Variants in ANK2 observed in about 807,000 individuals in gnomAD.
The protein encoded by ANK2 is ankyrin 2.
ANK2 carries 83 observed loss-of-function variants against 360.5 expected under a neutral mutation model. The observed-to-expected ratio is 0.23, with a 90% CI of 0.19 to 0.28. ANK2 has a LOEUF of 0.28. ANK2 is among the 10% of genes least tolerant of loss of function. The probability of loss-of-function intolerance (pLI) is 1.00; values close to 1 mark genes in which losing one functional copy is unlikely to be tolerated. For missense variants in ANK2, 4,201 were observed against 4,795.7 expected (o/e 0.88, Z 3.66); for synonymous variants, 1,740 against 1,759.5 (o/e 0.99, Z 0.28).
chr4:112,964,523 G>A (rs2036332424), intron 2 of ANK2, among the ~76,000 whole-genome samples: 1 of 151,190 alleles, frequency 6.6e-6, no homozygotes, highest in Non-Finnish European at 1.5e-5. Context: ...CTTTTTTATG[G>A]CTGCGTAGTA....
intron 1 of ANK2, among the ~76,000 whole-genome samples, chr4:113,133,489 T>C (rs1259189493): frequency 6.6e-6 from 1 of 152,184 alleles, no homozygotes; most frequent in Non-Finnish European, 1.5e-5. Flanking sequence ...AATAAATACC[T>C]TAAGTGACAG....
chr4:112,943,077 A>G (rs1435984757), intron 2 of ANK2, among the ~76,000 whole-genome samples: 2 of 152,068 alleles, frequency 1.3e-5, no homozygotes, highest in Non-Finnish European at 2.9e-5. Flanking sequence ...CCATTTTTGC[A>G]GCCCTTAATC....
In ANK2 at chr4:113,357,808, C is replaced by A; in HGVS notation, c.9190C>A (p.Gln3064Lys). 1.2e-6 allele frequency: 2 copies of A among 1,613,824 alleles called. No individual in the cohort carries two copies. Among genetic ancestry groups the A allele is most frequent in the Non-Finnish European group, 1.7e-6 (2 of 1,179,878 alleles). The change falls in exon 38 of 46, where the codon CAA becomes AAA. Residue 3064 changes from glutamine (Q) to lysine (K), a missense_variant. Transcript: ENST00000357077. The part of the protein sequence containing the change: ...AFEARVKEEE[Q>K]KIFGLMVDRQ... ...TGAGGCTCGTGTGAAAGAGGAAGAA[C>A]AAAAGATATTTGGTTTGATGGTAGA...
chr4:112,756,069 C>T, the ANK2 span, among the ~76,000 whole-genome samples: 1 of 151,996 alleles, frequency 6.6e-6, no homozygotes, highest in African/African-American at 2.4e-5. Context: ...GAAACCCCAT[C>T]TCTACTAAAA....
At chr4:113,069,047 C>A (rs1336775059) in intron 1 of ANK2, among the ~76,000 whole-genome samples, 2 of 151,592 alleles carry the variant, frequency 1.3e-5, no homozygotes, top group Non-Finnish European at 2.9e-5. Context: ...CACAGCGAGA[C>A]CCTGTCTAAT....
intron 5 of ANK2, among the ~76,000 whole-genome samples, chr4:113,235,933 G>A (rs2099371726): frequency 6.7e-6 from 1 of 150,114 alleles, no homozygotes; most frequent in Non-Finnish European, 1.5e-5. Flanking sequence ...GTAGAGACTG[G>A]GTTTCACTGT....
At chr4:112,740,432 C>T in the ANK2 span, among the ~76,000 whole-genome samples, 3 of 151,676 alleles carry the variant, frequency 2.0e-5, no homozygotes, top group East Asian at 1.9e-4. Flanking sequence ...CGGCTGGGTG[C>T]GATGGCTCAC....
chr4:113,134,083 T>C (rs2096244343), intron 1 of ANK2, among the ~76,000 whole-genome samples: 1 of 151,988 alleles, frequency 6.6e-6, no homozygotes, highest in African/African-American at 2.4e-5. Flanking sequence ...GCTGAAACCA[T>C]CTATACTACT....
intron 2 of ANK2, among the ~76,000 whole-genome samples, chr4:112,941,992 C>T (rs1399111380): frequency 6.6e-6 from 1 of 151,664 alleles, no homozygotes; most frequent in Non-Finnish European, 1.5e-5. Flanking sequence ...ATAGCTGGCA[C>T]AAATGATAGC....
intron 4 of ANK2, among the ~76,000 whole-genome samples, chr4:113,205,053 G>A (rs2098925744): frequency 6.6e-6 from 1 of 151,942 alleles, no homozygotes; most frequent in Non-Finnish European, 1.5e-5. Context: ...GGCTAACACG[G>A]TGAAACCCCG....
At chr4:113,302,236 A>G (rs1203209028) in intron 22 of ANK2, among the ~76,000 whole-genome samples, 1 of 152,224 alleles carries the variant, frequency 6.6e-6, no homozygotes, top group African/African-American at 2.4e-5. Context: ...TAAGCAACAA[A>G]CCAGAACTGT....
At chr4:113,167,786 T>A (rs1269361299) in intron 1 of ANK2, among the ~76,000 whole-genome samples, 1 of 152,196 alleles carries the variant, frequency 6.6e-6, no homozygotes, top group East Asian at 1.9e-4. Context: ...TTTCCGAAAC[T>A]ACTACTGATT....
the ANK2 span, among the ~76,000 whole-genome samples, chr4:112,752,253 A>G: frequency 7.2e-5 from 11 of 152,224 alleles, no homozygotes; most frequent in African/African-American, 2.7e-4. Context: ...ACCCTCCTTG[A>G]GAGATGTGAG....
At chr4:113,370,230 A>G (rs2096680322) in intron 43 of ANK2, among the ~76,000 whole-genome samples, 1 of 152,114 alleles carries the variant, frequency 6.6e-6, no homozygotes, top group Non-Finnish European at 1.5e-5. Context: ...GAGCACACAG[A>G]CTGTGGATAT....
chr4:112,808,169 G>C, the ANK2 span, among the ~76,000 whole-genome samples: 1 of 152,228 alleles, frequency 6.6e-6, no homozygotes, highest in Non-Finnish European at 1.5e-5. Flanking sequence ...TGAGTGTCCA[G>C]AGTAAGGGAA....
chr4:113,279,270 G>T (rs1010007880), intron 17 of ANK2, among the ~76,000 whole-genome samples: 1 of 152,126 alleles, frequency 6.6e-6, no homozygotes. Flanking sequence ...AATATTGATT[G>T]TAATGGGAAA....
chr4:112,845,991 T>C (rs2063204721), intron 1 of ANK2, among the ~76,000 whole-genome samples: 1 of 152,230 alleles, frequency 6.6e-6, no homozygotes, highest in Non-Finnish European at 1.5e-5. Flanking sequence ...TTACCATGGC[T>C]TTACTTTGCC....
At chr4:113,087,283 A>C (rs1233614029) in intron 1 of ANK2, among the ~76,000 whole-genome samples, 1 of 152,174 alleles carries the variant, frequency 6.6e-6, no homozygotes, top group Non-Finnish European at 1.5e-5. Context: ...ACATCCTGGC[A>C]TGTTTTTGGT....
chr4:113,049,722 G>C lies in ANK2; in HGVS notation c.-7G>C. Reference sequence around the variant, plus strand: ...GGCAGAGATATTTTCTTTCCAAACTGTTCAAAATGATGAACGAAGATGCAG... The same window carrying C: ...GGCAGAGATATTTTCTTTCCAAACTCTTCAAAATGATGAACGAAGATGCAG... On this transcript the variant is annotated 5_prime_UTR_variant, in exon 1 of 46. Transcript: ENST00000357077. The C allele has an allele frequency of 1.3e-6, 2 of 1,520,454 alleles. No homozygotes were observed. The highest frequency in any genetic ancestry group is 2.6e-5 in the East Asian group (1 of 37,980). The allele number at this position is 1,520,454 out of a possible 1,614,324, so 94.2% of individuals were successfully genotyped here.
Sources: gnomAD v4.1 joint callset for allele counts (sites outside exome capture counted in the v4.1 genomes callset) on GRCh38, gnomAD v4.1.1 for gene constraint, MANE v1.5 for transcripts, NCBI Gene and HGNC (gene_info 2026-07-23, HGNC 2026-07-21) for gene names.